The following COL14A1 variants were observed in gnomAD, a reference collection of about 807,000 sequenced individuals.
The protein encoded by COL14A1 is collagen type XIV alpha 1 chain.
In COL14A1, 136 loss-of-function variants were observed where a neutral mutation model predicts 230.3. That is an observed-to-expected ratio of 0.59 (90% confidence interval 0.51 to 0.68). The LOEUF (loss-of-function observed/expected upper bound fraction) is 0.68. COL14A1 is among the 30% of genes least tolerant of loss of function. The probability of loss-of-function intolerance (pLI) is 0.00; values close to 1 mark genes in which losing one functional copy is unlikely to be tolerated. For synonymous variants in COL14A1, 792 were observed against 784.1 expected (o/e 1.01, Z -0.17); for missense variants, 1,976 against 2,215.8 (o/e 0.89, Z 2.17).
intron 45 of COL14A1, among the ~76,000 whole-genome samples, chr8:120,347,277 C>T (rs1822552426): frequency 6.6e-6 from 1 of 152,112 alleles, no homozygotes; most frequent in Non-Finnish European, 1.5e-5. Context: ...TATGAATTTC[C>T]ATGATGTAAT....
intron 20 of COL14A1, 82 bp from the exon 21 acceptor site, chr8:120,247,531 C>A: frequency 1.6e-6 from 2 of 1,290,014 alleles, no homozygotes; most frequent in Non-Finnish European, 2.1e-6. Flanking sequence ...GGGAAGATGT[C>A]TTATATTTTG....
intron 40 of COL14A1, 51 bp downstream of exon 40, chr8:120,316,048 A>G (rs770936007): frequency 6.3e-7 from 1 of 1,584,938 alleles, no homozygotes; most frequent in Middle Eastern, 1.7e-4. Flanking sequence ...CCTTTTCACC[A>G]GGTCACTCTT....
intron 9 of COL14A1, among the ~76,000 whole-genome samples, chr8:120,204,938 T>C (rs1016011596): frequency 2.6e-5 from 4 of 152,080 alleles, no homozygotes; most frequent in African/African-American, 9.7e-5. Context: ...TTCATTACCA[T>C]CTGCTGGGGA....
chr8:120,298,688 C>T (rs773277309), intron 35 of COL14A1, among the ~76,000 whole-genome samples: 5 of 137,302 alleles, frequency 3.6e-5, no homozygotes, highest in South Asian at 4.7e-4. Context: ...TAAGCTGGCA[C>T]GGACAACCAT....
chr8:120,149,529 G>A (rs1815203651), intron 2 of COL14A1, among the ~76,000 whole-genome samples: 3 of 152,136 alleles, frequency 2.0e-5, no homozygotes, highest in African/African-American at 7.2e-5. Context: ...TAGAAACAAA[G>A]GGCGGGCAAG....
intron 1 of COL14A1, among the ~76,000 whole-genome samples, chr8:120,129,889 C>A (rs1357873535): frequency 2.6e-5 from 4 of 152,166 alleles, no homozygotes; most frequent in African/African-American, 9.7e-5. Context: ...GTGTGTTGAA[C>A]TTTCTTGAAT....
rs1397109347 is a variant in COL14A1, at chr8:120,302,741, T to A, written c.4401+1923T>A. Among the ~76,000 whole-genome samples, 4 of 152,230 alleles carry A rather than the reference T, an allele frequency of 2.6e-5. No individual in the cohort carries two copies. The East Asian group carries it at 7.7e-4, about 29-fold the overall frequency. On this transcript the variant is annotated intron_variant, in intron 36 of 47. Transcript: ENST00000297848. ...ATCCAGGCTCTTTTGTGGTTCCACA[T>A]GAATTTTAAAATAGTTTTTTTCTAG...
At chr8:120,198,160 ATG>A (rs1817108880) in intron 7 of COL14A1, among the ~76,000 whole-genome samples, 1 of 152,178 alleles carries the variant, frequency 6.6e-6, no homozygotes, top group Non-Finnish European at 1.5e-5. Flanking sequence ...CTAGGAGAAA[ATG>A]AAGCAAGCCC....
chr8:120,214,831 C>A (rs762116511), intron 13 of COL14A1, among the ~76,000 whole-genome samples: 5 of 151,948 alleles, frequency 3.3e-5, no homozygotes, highest in Middle Eastern at 3.4e-3. Flanking sequence ...AGCTGTTGCA[C>A]GTAAGATGAT....
chr8:120,313,906 G>C, intron 37 of COL14A1, 26 bp from the exon 38 acceptor site: 2 of 1,483,160 alleles, frequency 1.3e-6, no homozygotes, highest in Non-Finnish European at 1.9e-6. Context: ...TTACTTTTAG[G>C]ATGATACTTC....
chr8:120,137,755 T>G (rs1388403987), intron 1 of COL14A1, among the ~76,000 whole-genome samples: 1 of 149,216 alleles, frequency 6.7e-6, no homozygotes, highest in Non-Finnish European at 1.5e-5. Flanking sequence ...TATTTTGAAT[T>G]TATAAAGATA....
chr8:120,273,086 A>G (rs760707682), intron 26 of COL14A1, among the ~76,000 whole-genome samples: 18 of 151,852 alleles, frequency 1.2e-4, no homozygotes, highest in Non-Finnish European at 2.4e-4. Flanking sequence ...AAGTCATATC[A>G]GGCATCTTCT....
At position 120,371,143 on chromosome 8, in the gene COL14A1, C is replaced by T; in HGVS notation, c.5312-9C>T. Reference sequence around the variant, plus strand: ...GCAGCAAGTCCCCACCCCCACTTTTCCTCTTTAGCTCCCCATCCAGATCAG... The same window carrying T: ...GCAGCAAGTCCCCACCCCCACTTTTTCTCTTTAGCTCCCCATCCAGATCAG... On this transcript the variant is annotated splice_polypyrimidine_tract_variant and intron_variant, in intron 47 of 47. Transcript: ENST00000297848. The T allele has an allele frequency of 6.3e-7, 1 of 1,597,734 alleles. No individual in the cohort carries two copies.
intron 45 of COL14A1, among the ~76,000 whole-genome samples, chr8:120,355,834 G>C (rs757255648): frequency 6.6e-6 from 1 of 152,194 alleles, no homozygotes; most frequent in Non-Finnish European, 1.5e-5. Context: ...TTTCATTTTA[G>C]ATTGTATAGC....
rs760476574 is a variant in COL14A1, at chr8:120,342,370, T to C, written c.4822-10T>C. The C allele has an allele frequency of 1.8e-5, 29 of 1,613,712 alleles. No individual in the cohort carries two copies. In the East Asian group the frequency reaches 3.8e-4, roughly 21 times the overall value. On this transcript the variant is annotated splice_polypyrimidine_tract_variant and intron_variant, in intron 43 of 47. Transcript: ENST00000297848. ...AGCTGAGTCAGGAGTATGCTTTTTT[T>C]CTCATCCAGGGTGACCTGCAGTCTC...
chr8:120,167,437 G>T (rs1439826698), intron 4 of COL14A1, among the ~76,000 whole-genome samples: 1 of 152,148 alleles, frequency 6.6e-6, no homozygotes, highest in African/African-American at 2.4e-5. Context: ...CTGACATTTG[G>T]CAGGCTCTTG....
At chr8:120,332,478 A>T (rs1268889248) in intron 41 of COL14A1, among the ~76,000 whole-genome samples, 186 bp from the exon 42 acceptor site, 1 of 152,204 alleles carries the variant, frequency 6.6e-6, no homozygotes, top group Non-Finnish European at 1.5e-5. Context: ...CACCTGATAT[A>T]TAGTGAGGAG....
chr8:120,155,002 A>G (rs989761378), intron 2 of COL14A1, among the ~76,000 whole-genome samples: 4 of 152,202 alleles, frequency 2.6e-5, no homozygotes, highest in African/African-American at 9.6e-5. Context: ...CTGTGACCTC[A>G]GGCCTCTTTC....
At position 120,147,849 on chromosome 8, in the gene COL14A1, A is replaced by AT. The variant is rs752970368; in HGVS notation, c.11dup (p.Gln5ProfsTer35). ...GTAAAAAGCGGAAAATAAAATGAAGATTTTCCAGCGCAAGATGCGGTACTG... is the reference window on the plus strand; with the variant it reads ...GTAAAAAGCGGAAAATAAAATGAAGATTTTTCCAGCGCAAGATGCGGTACTG... On this transcript the variant is annotated frameshift_variant, in exon 2 of 48. Transcript: ENST00000297848. LOFTEE classifies it high-confidence loss of function. 6.8e-6 allele frequency: 11 copies of AT among 1,613,006 alleles called. No individual in the cohort carries two copies. The highest frequency in any genetic ancestry group is 9.3e-6 in the Non-Finnish European group (11 of 1,179,670).
Sources: gnomAD v4.1 joint callset for allele counts (sites outside exome capture counted in the v4.1 genomes callset) on GRCh38, gnomAD v4.1.1 for gene constraint, MANE v1.5 for transcripts, NCBI Gene and HGNC (gene_info 2026-07-23, HGNC 2026-07-21) for gene names.